Variants in NTPCR observed in about 807,000 individuals in gnomAD.
NTPCR encodes the protein cancer-related nucleoside-triphosphatase.
NTPCR carries 15 observed loss-of-function variants against 19.5 expected under a neutral mutation model. The observed-to-expected ratio is 0.77, with a 90% confidence interval of 0.51 to 1.18. The LOEUF (loss-of-function observed/expected upper bound fraction) is 1.18. Ranked by LOEUF, NTPCR falls within the 50% of genes most tolerant of loss-of-function variation. NTPCR has a pLI of 0.00. For synonymous variants in NTPCR, 90 were observed against 95.8 expected (o/e 0.94, Z 0.36); for missense variants, 206 against 240.4 (o/e 0.86, Z 0.95).
At chr1:232,976,702 T>C (rs928598531) in intron 4 of NTPCR, 1 of 924,578 alleles carries the variant, frequency 1.1e-6, no homozygotes, top group African/African-American at 1.7e-5. Flanking sequence ...ATCACAGGAT[T>C]GACGCAGCCA....
In NTPCR at chr1:232,979,244, G is replaced by C. The variant is rs991845434; in HGVS notation, c.*1013G>C. The C allele has an allele frequency of 2.6e-5, 4 of 152,170 alleles. No individual in the cohort carries two copies. Among genetic ancestry groups the C allele is most frequent in the Admixed American group, 2.0e-4 (3 of 15,274 alleles). The allele number at this position is 152,170 out of a possible 1,614,324, so 9.4% of individuals were successfully genotyped here. A position where few individuals can be genotyped will look rare whatever the true frequency, so the allele number is the denominator to read the frequency against. ...AGTGATAAACAGTTCAGTGTTTTTA[G>C]GTCATTTTTGGTGAAGATCTATGAA... On this transcript the variant is annotated 3_prime_UTR_variant, in exon 5 of 5. Coordinates refer to ENST00000366628, the MANE Select transcript of NTPCR (RefSeq NM_032324.3). This position sits in a 1 kb window ranked among gnomAD's most constrained non-coding sequence, Gnocchi z 5.3.
rs1332725670 is a variant in NTPCR, at chr1:232,969,886, G to A, written c.295-23G>A. ...TGATTAATGTGACTCTGATGTCCCA[G>A]TGAAAGTCTTTGTCATTCTCAGGCC... On this transcript the variant is annotated intron_variant, in intron 3 of 4. Transcript: ENST00000366628. 4.4e-6 allele frequency: 7 copies of A among 1,604,866 alleles called. 1 individual carries two copies. The highest frequency in any genetic ancestry group is 4.5e-5 in the East Asian group (2 of 44,822).
chr1:232,961,433 T>C (rs1373556148), intron 3 of NTPCR, among the ~76,000 whole-genome samples: 2 of 152,256 alleles, frequency 1.3e-5, no homozygotes, highest in African/African-American at 4.8e-5. Context: ...TTCAACACAC[T>C]GCTTTGTTTT....
chr1:232,950,745 G>A lies in NTPCR; in HGVS notation c.34+1G>A, dbSNP rs541475809. On this transcript the variant is annotated splice_donor_variant, in intron 1 of 4. Coordinates refer to ENST00000366628, the MANE Select transcript of NTPCR (RefSeq NM_032324.3). LOFTEE classifies it high-confidence loss of function. ...CACGTGTTCCTAACGGGGCCCCCAG[G>A]TAACCCTGAGGGGATCCCCACCTCC... 22 of 1,600,100 alleles carry A rather than the reference G, an allele frequency of 1.4e-5. No individual in the cohort carries two copies. In the South Asian group the frequency reaches 2.3e-4, roughly 17 times the overall value.
Position 232,978,709 on chromosome 1 carries a change from A to T in NTPCR, c.*478A>T, listed in dbSNP as rs1285681235. ...GTTATTTGATTTTTTAAAAAATATT[A>T]TTCCAAAAGAAAACCATTTTAGGTC... On this transcript the variant is annotated 3_prime_UTR_variant, in exon 5 of 5. Coordinates refer to ENST00000366628, the MANE Select transcript of NTPCR (RefSeq NM_032324.3). 1 of 152,688 alleles carries T rather than the reference A, an allele frequency of 6.5e-6. No individual in the cohort carries two copies. The highest frequency in any genetic ancestry group is 1.5e-5 in the Non-Finnish European group (1 of 68,418). The allele number at this position is 152,688 out of a possible 1,614,324, so 9.5% of individuals were successfully genotyped here.
intron 4 of NTPCR, among the ~76,000 whole-genome samples, chr1:232,972,646 C>T (rs1037314654): frequency 2.0e-5 from 3 of 150,028 alleles, no homozygotes; most frequent in Non-Finnish European, 4.4e-5. Context: ...GGGTTGATCT[C>T]GAATTGAAGA....
Position 232,981,638 on chromosome 1 carries a change from A to T in NTPCR, c.*3407A>T, listed in dbSNP as rs1193246720. On this transcript the variant is annotated 3_prime_UTR_variant, in exon 5 of 5. Transcript: ENST00000366628. ...TCAATAATGCCAAATTGGCCACATG[A>T]TTTATATAAAACCAAGTGCTATGGT... is the stretch of plus-strand genomic sequence containing the variant. 6.6e-6 allele frequency: 1 copy of T among 151,756 alleles called. No homozygotes were observed. The highest frequency in any genetic ancestry group is 1.5e-5 in the Non-Finnish European group (1 of 67,930). 9.4% of individuals were successfully genotyped at this position (151,756 alleles called of 1,614,324 possible).
chr1:232,963,021 C>G (rs1668710033), intron 3 of NTPCR: 1 of 152,180 alleles, frequency 6.6e-6, no homozygotes, highest in Admixed American at 6.5e-5. Context: ...GAAAGATTGA[C>G]AAGCTCCTCA....
In NTPCR at chr1:232,972,377, C is replaced by T. The variant is rs1020369565; in HGVS notation, c.504+2259C>T. Among the ~76,000 whole-genome samples the T allele has an allele frequency of 7.1e-4, 108 of 152,146 alleles. 1 individual carries two copies. The highest frequency in any genetic ancestry group is 1.9e-4 in the East Asian group (1 of 5,168). On this transcript the variant is annotated intron_variant, in intron 4 of 4. Coordinates refer to ENST00000366628, the MANE Select transcript of NTPCR (RefSeq NM_032324.3). ...CCCAGAGTAATCTGTGCTGGGATTA[C>T]AGGTGTGAGCCACTGTGCCTGGCCT...
In NTPCR at chr1:232,955,724, T is replaced by C. The variant is rs1467718337; in HGVS notation, c.197+5T>C. 5.6e-6 allele frequency: 9 copies of C among 1,612,894 alleles called. No homozygotes were observed. Among genetic ancestry groups the C allele is most frequent in the Non-Finnish European group, 6.8e-6 (8 of 1,179,212 alleles). On this transcript the variant is annotated splice_donor_5th_base_variant and intron_variant, in intron 2 of 4. Coordinates refer to ENST00000366628, the MANE Select transcript of NTPCR (RefSeq NM_032324.3). The stretch of plus-strand genomic sequence containing the variant: ...GGGGCCTTTATCGAGAGTTGGGTAC[T>C]GATATTTCATTTCTGTGGTGTTCTA...
intron 1 of NTPCR, 60 bp downstream of exon 1, chr1:232,950,804 G>T: frequency 1.6e-6 from 2 of 1,230,902 alleles, no homozygotes; most frequent in South Asian, 2.9e-5. Flanking sequence ...CGCGGGCTGC[G>T]GGCGACCTTG....
At chr1:232,954,388 T>G (rs556284041) in intron 1 of NTPCR, among the ~76,000 whole-genome samples, 34 of 151,946 alleles carry the variant, frequency 2.2e-4, no homozygotes, top group African/African-American at 8.0e-4. Flanking sequence ...CTTAAAAGAG[T>G]GGGTAGTCTT....
At chr1:232,951,642 G>C in intron 1 of NTPCR, among the ~76,000 whole-genome samples, 1 of 152,180 alleles carries the variant, frequency 6.6e-6, no homozygotes, top group Non-Finnish European at 1.5e-5. Context: ...AGATATCAAA[G>C]GCTGTAACCC....
At chr1:232,974,496 A>G (rs1669073062) in intron 4 of NTPCR, among the ~76,000 whole-genome samples, 1 of 152,218 alleles carries the variant, frequency 6.6e-6, no homozygotes, top group African/African-American at 2.4e-5. Flanking sequence ...TTGACAGTTG[A>G]GGCAAAACGA....
rs1669352586 is a variant in NTPCR, at chr1:232,983,861, G to A, written c.*5630G>A. 1 of 153,776 alleles carries A rather than the reference G, an allele frequency of 6.5e-6. No homozygotes were observed. The highest frequency in any genetic ancestry group is 2.4e-5 in the African/African-American group (1 of 41,544). The allele number at this position is 153,776 out of a possible 1,614,324, so 9.5% of individuals were successfully genotyped here. A position where few individuals can be genotyped will look rare whatever the true frequency, so the allele number is the denominator to read the frequency against. On this transcript the variant is annotated 3_prime_UTR_variant, in exon 5 of 5. Transcript: ENST00000366628. ...ATTTCTTTTTCATGGTAACAGTAATGTATAAAGTGCCGATGATGTAACATG... is the reference window on the plus strand; with the variant it reads ...ATTTCTTTTTCATGGTAACAGTAATATATAAAGTGCCGATGATGTAACATG...
chr1:232,977,323 G>A (rs1669151974), intron 4 of NTPCR: 1 of 152,462 alleles, frequency 6.6e-6, no homozygotes. Context: ...TGAGGTCAGG[G>A]TCCTTACCTG....
chr1:232,955,673 G>A lies in NTPCR; in HGVS notation c.151G>A (p.Asp51Asn), dbSNP rs1229663860. Residue 51 changes from aspartate (D) to asparagine (N), a missense_variant, in exon 2 of 5, where the codon GAT becomes AAT. Asp to Asn is a conservative substitution (Grantham distance 23, BLOSUM62 1). Transcript: ENST00000366628. ...VRQGGRRIGFDVVTLSGTRGP... is the reference protein window; with the variant it reads ...VRQGGRRIGFNVVTLSGTRGP... ...ACAGGGAGGGAGAAGAATAGGATTC[G>A]ATGTCGTCACGTTGTCCGGCACCCG... 3.1e-6 allele frequency: 5 copies of A among 1,613,718 alleles called. No individual in the cohort carries two copies. Among genetic ancestry groups the A allele is most frequent in the Non-Finnish European group, 4.2e-6 (5 of 1,179,962 alleles).
At chr1:232,958,031 G>C (rs1668560846) in intron 3 of NTPCR, among the ~76,000 whole-genome samples, 1 of 152,214 alleles carries the variant, frequency 6.6e-6, no homozygotes, top group African/African-American at 2.4e-5. Flanking sequence ...CCCTGGAGCA[G>C]GAGCAGGTGA....
chr1:232,976,649 A>C, intron 4 of NTPCR: 6 of 1,375,754 alleles, frequency 4.4e-6, no homozygotes, highest in Non-Finnish European at 4.8e-6. Context: ...AAGTGGAGCC[A>C]CAGCCGCCCA....
Sources: gnomAD v4.1 joint callset for allele counts (sites outside exome capture counted in the v4.1 genomes callset) on GRCh38, gnomAD v4.1.1 for gene constraint, Gnocchi (gnomAD v3.1) non-coding constraint, MANE v1.5 for transcripts, NCBI Gene and HGNC (gene_info 2026-07-23, HGNC 2026-07-21) for gene names.